TMEM178B: variants seen among roughly 807,000 people sequenced by gnomAD.
TMEM178B encodes transmembrane protein 178B.
A neutral mutation model predicts 31.0 loss-of-function variants in TMEM178B; 5 were observed. The ratio of observed to expected loss-of-function variants is 0.16; its 90% CI spans 0.08 to 0.34. The LOEUF is 0.34. TMEM178B is among the 10% of genes least tolerant of loss of function. The probability of loss-of-function intolerance (pLI) is 1.00; values close to 1 mark genes in which losing one functional copy is unlikely to be tolerated. For missense variants in TMEM178B, 275 were observed against 400.3 expected (o/e 0.69, Z 2.67); for synonymous variants, 164 against 164.0 (o/e 1.00, Z 0.00).
chr7:141,342,704 C>A (rs1799535476), intron 2 of TMEM178B, among the ~76,000 whole-genome samples: 1 of 152,210 alleles, frequency 6.6e-6, no homozygotes, highest in Non-Finnish European at 1.5e-5. Flanking sequence ...ACTCTTCTCA[C>A]ATACGGATAA....
rs534731165 is a variant in TMEM178B at position 141,197,913 on chromosome 7, A to G, written c.383-14678A>G. On this transcript the variant is annotated intron_variant, in intron 1 of 3. Coordinates refer to ENST00000565468, the MANE Select transcript of TMEM178B (RefSeq NM_001195278.2). Reference sequence around the variant, plus strand: ...CTCCCACAGTGCTGGGATTACAGGCATGAGCCACCGCACCCTGCCAGTTTC... The same window carrying G: ...CTCCCACAGTGCTGGGATTACAGGCGTGAGCCACCGCACCCTGCCAGTTTC... Among the ~76,000 whole-genome samples the G allele has an allele frequency of 2.6e-5, 4 of 152,278 alleles. No homozygotes were observed. The South Asian group carries it at 8.3e-4, about 32-fold the overall frequency.
At chr7:141,459,279 C>T (rs1290004900) in intron 3 of TMEM178B, among the ~76,000 whole-genome samples, 2 of 152,196 alleles carry the variant, frequency 1.3e-5, no homozygotes, top group African/African-American at 2.4e-5. Flanking sequence ...TCCACCGCCT[C>T]GGCCTCCCAA....
At chr7:141,195,080 G>A (rs1397044391) in intron 1 of TMEM178B, among the ~76,000 whole-genome samples, 1 of 152,234 alleles carries the variant, frequency 6.6e-6, no homozygotes, top group African/African-American at 2.4e-5. Flanking sequence ...CTCCAGGCCT[G>A]TGATGGGAGG....
chr7:141,408,621 G>GATGA lies in TMEM178B; in HGVS notation c.497-28966_497-28963dup, dbSNP rs565120110. ...TGGAGCTTGCATATGTGAGTGAGTG[G>GATGA]ATGAATGAATGAATGAATGAATGAG... On this transcript the variant is annotated intron_variant, in intron 2 of 3. Coordinates refer to ENST00000565468, the MANE Select transcript of TMEM178B (RefSeq NM_001195278.2). Among the ~76,000 whole-genome samples the GATGA allele has an allele frequency of 2.7e-3, 408 of 152,184 alleles. 3 individuals carry two copies. Among genetic ancestry groups the GATGA allele is most frequent in the African/African-American group, 6.2e-3 (259 of 41,528 alleles).
the TMEM178B span, among the ~76,000 whole-genome samples, chr7:141,495,254 A>G: frequency 6.6e-6 from 1 of 152,206 alleles, no homozygotes; most frequent in Admixed American, 6.5e-5. Flanking sequence ...CTAGAAATGC[A>G]GGGAGCATGT....
chr7:141,456,672 G>A (rs565297417), intron 3 of TMEM178B, among the ~76,000 whole-genome samples: 1 of 152,272 alleles, frequency 6.6e-6, no homozygotes, highest in Admixed American at 6.5e-5. Flanking sequence ...TGTAAGTCTC[G>A]TTCCCAGCAA....
At chr7:141,211,681 C>T (rs181040240) in intron 1 of TMEM178B, among the ~76,000 whole-genome samples, 2 of 152,224 alleles carry the variant, frequency 1.3e-5, no homozygotes, top group African/African-American at 4.8e-5. Context: ...AGCTCCCCAC[C>T]GTGCCTTCCT....
At chr7:141,421,162 T>C (rs1338188776) in intron 2 of TMEM178B, among the ~76,000 whole-genome samples, 1 of 152,190 alleles carries the variant, frequency 6.6e-6, no homozygotes, top group Non-Finnish European at 1.5e-5. Flanking sequence ...AAAACATCCT[T>C]GCTTATATGT....
chr7:141,391,507 A>C (rs1018453213), intron 2 of TMEM178B, among the ~76,000 whole-genome samples: 4 of 152,132 alleles, frequency 2.6e-5, no homozygotes, highest in Non-Finnish European at 5.9e-5. Flanking sequence ...TGCTGGCTTG[A>C]AGTGATTTTT....
At position 141,390,038 on chromosome 7, in the gene TMEM178B, A is replaced by T. The variant is rs1262049309; in HGVS notation, c.497-47570A>T. ...AGGCCCAAGCAATTACCACTAAGGG[A>T]CATTGTAGCTGCATTTCACCTAGAA... is the stretch of plus-strand genomic sequence containing the variant. On this transcript the variant is annotated intron_variant, in intron 2 of 3. Coordinates refer to ENST00000565468, the MANE Select transcript of TMEM178B (RefSeq NM_001195278.2). Among the ~76,000 whole-genome samples the T allele has an allele frequency of 6.6e-5, 10 of 152,206 alleles. No individual in the cohort carries two copies. In the East Asian group the frequency reaches 1.9e-3, roughly 29 times the overall value.
At chr7:141,107,230 G>T (rs966623711) in intron 1 of TMEM178B, among the ~76,000 whole-genome samples, 1 of 152,220 alleles carries the variant, frequency 6.6e-6, no homozygotes, top group Non-Finnish European at 1.5e-5. Flanking sequence ...AGTAGAAGAT[G>T]TGGTCACATA....
At chr7:141,136,859 C>A (rs1795683610) in intron 1 of TMEM178B, among the ~76,000 whole-genome samples, 1 of 151,914 alleles carries the variant, frequency 6.6e-6, no homozygotes, top group South Asian at 2.1e-4. Flanking sequence ...GAGTGAGACC[C>A]ATCTCTAAAA....
intron 1 of TMEM178B, among the ~76,000 whole-genome samples, chr7:141,134,618 A>T (rs1795645748): frequency 6.6e-6 from 1 of 152,224 alleles, no homozygotes; most frequent in Non-Finnish European, 1.5e-5. Flanking sequence ...GAAAGGAACA[A>T]AGAATATACA....
intron 2 of TMEM178B, among the ~76,000 whole-genome samples, chr7:141,387,792 G>A (rs1800460700): frequency 6.6e-6 from 1 of 152,102 alleles, no homozygotes; most frequent in African/African-American, 2.4e-5. Flanking sequence ...ACCCACAACT[G>A]TTCTGTTTCT....
intron 1 of TMEM178B, among the ~76,000 whole-genome samples, chr7:141,183,130 T>C (rs183319979): frequency 2.3e-3 from 348 of 152,338 alleles, no homozygotes; most frequent in African/African-American, 8.0e-3. Flanking sequence ...AAAAACAATG[T>C]TGGCTATACA....
the TMEM178B span, among the ~76,000 whole-genome samples, chr7:141,490,411 T>G: frequency 6.6e-6 from 1 of 152,094 alleles, no homozygotes; most frequent in Non-Finnish European, 1.5e-5. Context: ...GAATGCTAGA[T>G]GAACATAAAG....
At chr7:141,388,167 G>T (rs1800469127) in intron 2 of TMEM178B, among the ~76,000 whole-genome samples, 1 of 152,190 alleles carries the variant, frequency 6.6e-6, no homozygotes, top group Admixed American at 6.5e-5. Context: ...TGGCTGTAAA[G>T]TTCCTGGAGG....
At chr7:141,462,401 T>G (rs187674181) in intron 3 of TMEM178B, among the ~76,000 whole-genome samples, 19 of 151,832 alleles carry the variant, frequency 1.3e-4, no homozygotes, top group African/African-American at 4.6e-4. Flanking sequence ...AAGAAAGAAA[T>G]AATCACATGA....
chr7:141,314,504 T>G (rs1029856996), intron 2 of TMEM178B, among the ~76,000 whole-genome samples: 3 of 152,284 alleles, frequency 2.0e-5, no homozygotes, highest in Middle Eastern at 3.4e-3. Flanking sequence ...TTCCACCACA[T>G]ACTCATTCCT....
Sources: gnomAD v4.1 joint callset for allele counts (sites outside exome capture counted in the v4.1 genomes callset) on GRCh38, gnomAD v4.1.1 for gene constraint, MANE v1.5 for transcripts, NCBI Gene and HGNC (gene_info 2026-07-23, HGNC 2026-07-21) for gene names.